LRP8: variants seen among roughly 807,000 people sequenced by gnomAD.
The protein encoded by LRP8 is low-density lipoprotein receptor-related protein 8.
In LRP8, 46 loss-of-function variants were observed where a neutral mutation model predicts 111.6. The observed-to-expected ratio is 0.41, with a 90% CI of 0.33 to 0.53. The LOEUF (loss-of-function observed/expected upper bound fraction) is 0.53. Among genes scored for constraint, LRP8 ranks in the 20% least tolerant of loss-of-function variants. LRP8 has a pLI of 0.20. For synonymous variants in LRP8, 464 were observed against 511.2 expected (o/e 0.91, Z 1.24); for missense variants, 959 against 1,297.4 (o/e 0.74, Z 4.01).
In LRP8 at chr1:53,269,320, A is replaced by ATTG. The variant is rs577315203; in HGVS notation, c.1252+1707_1252+1708insCAA. ...CACTCCCTTTTTATTTATTATTATTATTATTTTTTTTTTTAGAAAAGGTCT... is the reference window on the plus strand; with the variant it reads ...CACTCCCTTTTTATTTATTATTATTATTGTTATTTTTTTTTTTAGAAAAGGTCT... On this transcript the variant is annotated intron_variant, in intron 8 of 18. Transcript: ENST00000306052. 3.6e-3 allele frequency among the ~76,000 whole-genome samples: 547 copies of ATTG among 150,960 alleles called. 4 individuals are homozygous for ATTG. Among genetic ancestry groups the ATTG allele is most frequent in the African/African-American group, 0.013 (527 of 41,140 alleles).
intron 2 of LRP8, among the ~76,000 whole-genome samples, chr1:53,321,649 G>T (rs1269319872): frequency 6.6e-6 from 1 of 152,142 alleles, no homozygotes; most frequent in Non-Finnish European, 1.5e-5. Flanking sequence ...AACTGGGGAG[G>T]AAGAAGCCAA....
At chr1:53,315,544 G>A (rs1386935344) in intron 2 of LRP8, among the ~76,000 whole-genome samples, 2 of 152,240 alleles carry the variant, frequency 1.3e-5, no homozygotes, top group African/African-American at 4.8e-5. Flanking sequence ...CATCTGGGAA[G>A]TGGTGAGGTG....
In LRP8 at chr1:53,262,173, G is replaced by A; in HGVS notation, c.1809C>T (p.Ser603=). ...CAATGCTGGACAGTTGGTGTAGCTT[G>A]GAGTCTACCCAGTACAAGCGCTGGC... is the stretch of plus-strand genomic sequence containing the variant. ...LLSQRLYWVD[S]KLHQLSSIDF... The change falls in exon 12 of 19, where the codon TCC becomes TCT. Residue 603 remains serine, a synonymous_variant. Transcript: ENST00000306052. This position sits in a 1 kb window ranked among gnomAD's most constrained non-coding sequence, Gnocchi z 4.8. 2 of 1,613,870 alleles carry A rather than the reference G, an allele frequency of 1.2e-6. No homozygotes were observed. Among genetic ancestry groups the A allele is most frequent in the Non-Finnish European group, 1.7e-6 (2 of 1,180,040 alleles).
chr1:53,321,559 G>A (rs759196600), intron 2 of LRP8, among the ~76,000 whole-genome samples: 9 of 152,242 alleles, frequency 5.9e-5, no homozygotes, highest in Middle Eastern at 3.4e-3. Context: ...ACTGCCCCCT[G>A]GGGGTCTCTC....
At position 53,271,325 on chromosome 1, in the gene LRP8, T is replaced by C; in HGVS notation, c.1028A>G (p.Asn343Ser). The change falls in exon 7 of 19, where the codon AAC (asparagine) becomes AGC (serine). Residue 343 changes from asparagine (N) to serine (S), a missense_variant. This residue lies in a region of LRP8 where 819 missense variants were observed against 1,097.6 expected (regional missense o/e 0.75). Coordinates refer to ENST00000306052, the MANE Select transcript of LRP8 (RefSeq NM_004631.5). Reference sequence around the variant, plus strand: ...GCAGATGTGTGAGCAGCCGCCATTGTTGTGCAGACACTCGTTCAGCCCTGG... The same window carrying C: ...GCAGATGTGTGAGCAGCCGCCATTGCTGTGCAGACACTCGTTCAGCCCTGG... ...CLQGLNECLH[N>S]NGGCSHICTD... is the part of the protein sequence containing the mutation. 1.2e-6 allele frequency: 2 copies of C among 1,614,012 alleles called. No homozygotes were observed. Among genetic ancestry groups the C allele is most frequent in the South Asian group, 1.1e-5 (1 of 91,068 alleles).
At chr1:53,327,754 G>C in intron 1 of LRP8, 35 bp downstream of exon 1, 1 of 1,466,552 alleles carries the variant, frequency 6.8e-7, no homozygotes. Context: ...TGGCTAGGGC[G>C]GAGCAGAGCC....
intron 4 of LRP8, among the ~76,000 whole-genome samples, chr1:53,280,349 C>G (rs1206967412): frequency 1.3e-5 from 2 of 152,228 alleles, no homozygotes; most frequent in Non-Finnish European, 2.9e-5. Flanking sequence ...CTTGTCTGAG[C>G]CTCAGTTTCC....
intron 2 of LRP8, among the ~76,000 whole-genome samples, chr1:53,319,478 C>T (rs1268636628): frequency 6.6e-6 from 1 of 152,202 alleles, no homozygotes; most frequent in African/African-American, 2.4e-5. Flanking sequence ...GGGTGACTCT[C>T]AGTTTCCCAA....
At chr1:53,311,788 G>A (rs1653051108) in intron 2 of LRP8, among the ~76,000 whole-genome samples, 1 of 152,212 alleles carries the variant, frequency 6.6e-6, no homozygotes. Context: ...CCACAGCCCA[G>A]CCACCCATGT....
rs1470239503 is a variant in LRP8 at position 53,276,972 on chromosome 1, A to G, written c.603T>C (p.Cys201=). ...CGCGGGGCCCGCAGGCCGGGTCTGC[A>G]CAGCCGCGCTCATCGCTGCCGTCAC... ...DCGDGSDERG[C]ADPACGPREF... The change falls in exon 5 of 19, where the codon TGT becomes TGC. Residue 201 remains cysteine (C), a synonymous_variant. Coordinates refer to ENST00000306052, the MANE Select transcript of LRP8 (RefSeq NM_004631.5). The G allele has an allele frequency of 1.7e-5, 25 of 1,501,012 alleles. No individual in the cohort carries two copies. The highest frequency in any genetic ancestry group is 2.1e-5 in the Non-Finnish European group (24 of 1,128,702). 93.0% of individuals were successfully genotyped at this position (1,501,012 alleles called of 1,614,324 possible). A position where few individuals can be genotyped will look rare whatever the true frequency, so the allele number is the denominator to read the frequency against.
rs1173943094 is a variant in LRP8, at chr1:53,303,828, G to A, written c.245-14139C>T. ...ATTCGCCCTCTTGAATGCTCTCAGC[G>A]ACAGGGGACTCAGTCAGCCGTGCTG... On this transcript the variant is annotated intron_variant, in intron 2 of 18. Transcript: ENST00000306052. The surrounding 1 kb of genome is among the most constrained non-coding windows in gnomAD (Gnocchi z 4.3). Among the ~76,000 whole-genome samples, 4 of 152,326 alleles carry A rather than the reference G, an allele frequency of 2.6e-5. No individual in the cohort carries two copies. Among genetic ancestry groups the A allele is most frequent in the Middle Eastern group, 3.4e-3 (1 of 294 alleles).
chr1:53,278,995 G>A (rs1201200352), intron 4 of LRP8, among the ~76,000 whole-genome samples: 9 of 149,470 alleles, frequency 6.0e-5, no homozygotes, highest in Middle Eastern at 3.5e-3. Context: ...TCCTGACCTC[G>A]TGATCCTCCT....
chr1:53,257,214 A>T lies in LRP8; in HGVS notation c.2434+26T>A, dbSNP rs753380238. On this transcript the variant is annotated intron_variant, in intron 15 of 18. Coordinates refer to ENST00000306052, the MANE Select transcript of LRP8 (RefSeq NM_004631.5). ...TCCCTAGGAGCCCTCCCATGTCATG[A>T]AAGAATGCAGAACTCATTTCCTTAC... The T allele has an allele frequency of 1.9e-6, 3 of 1,610,454 alleles. No individual in the cohort carries two copies. In the Admixed American group the frequency reaches 5.0e-5, roughly 27 times the overall value.
At chr1:53,258,843 G>C (rs1162434603) in intron 13 of LRP8, among the ~76,000 whole-genome samples, 1 of 151,602 alleles carries the variant, frequency 6.6e-6, no homozygotes, top group Non-Finnish European at 1.5e-5. Flanking sequence ...GCTATACTCT[G>C]TATGCCCCTG....
rs116075874 is a variant in LRP8, at chr1:53,265,503, T to C, written c.1427+970A>G. Among the ~76,000 whole-genome samples, 495 of 152,268 alleles carry C rather than the reference T, an allele frequency of 3.3e-3. 3 individuals carry two copies. The highest frequency in any genetic ancestry group is 0.011 in the African/African-American group (477 of 41,564). ...CATGAAACCTCCCAAGCCAAAAACC[T>C]GAAACTCCCAAAATTCACTATGAAG... On this transcript the variant is annotated intron_variant, in intron 9 of 18. Transcript: ENST00000306052.
chr1:53,320,483 C>T (rs766897421), intron 2 of LRP8, among the ~76,000 whole-genome samples: 6 of 152,158 alleles, frequency 3.9e-5, no homozygotes, highest in African/African-American at 7.2e-5. Flanking sequence ...AGCCTGGGTG[C>T]GAGGAGGCAG....
chr1:53,314,204 C>T (rs1303435470), intron 2 of LRP8, among the ~76,000 whole-genome samples: 2 of 152,210 alleles, frequency 1.3e-5, no homozygotes, highest in Non-Finnish European at 2.9e-5. Flanking sequence ...AGGATCTGGG[C>T]GCTGCTGCCC....
chr1:53,323,044 C>T (rs1400104463), intron 2 of LRP8, among the ~76,000 whole-genome samples: 2 of 152,180 alleles, frequency 1.3e-5, no homozygotes, highest in African/African-American at 4.8e-5. Context: ...CCTGTCTACC[C>T]AGCCTTTCCG....
chr1:53,306,561 C>T (rs1005362740), intron 2 of LRP8, among the ~76,000 whole-genome samples: 3 of 152,160 alleles, frequency 2.0e-5, no homozygotes, highest in Admixed American at 6.5e-5. Context: ...TGGGCCTCAG[C>T]GTCAACACCA....
Sources: allele counts gnomAD v4.1 joint callset (sites outside exome capture counted in the v4.1 genomes callset), GRCh38; gene constraint gnomAD v4.1.1; regional missense constraint gnomAD v4.1.1; non-coding constraint Gnocchi (gnomAD v3.1); transcripts MANE v1.5; gene names NCBI Gene and HGNC (gene_info 2026-07-23, HGNC 2026-07-21).